Variants in GNA14 observed in about 807,000 individuals in gnomAD.
GNA14 encodes guanine nucleotide-binding protein subunit alpha-14.
In GNA14, 50 loss-of-function variants were observed where a neutral mutation model predicts 42.0. That is an observed-to-expected ratio of 1.19 (90% confidence interval 0.95 to 1.51). The LOEUF is 1.51. Among genes scored for constraint, GNA14 ranks in the 40% most tolerant of loss-of-function variants. The pLI, the probability that GNA14 is intolerant of heterozygous loss-of-function variation, is 0.00. For missense variants in GNA14, 473 were observed against 446.2 expected, an observed-to-expected ratio of 1.06 and a Z score of -0.54; for synonymous variants, 173 against 163.1, an observed-to-expected ratio of 1.06 and a Z score of -0.46.
chr9:77,556,365 C>T (rs1313287682), intron 1 of GNA14, among the ~76,000 whole-genome samples: 1 of 151,844 alleles, frequency 6.6e-6, no homozygotes, highest in Non-Finnish European at 1.5e-5. Context: ...GGGGTGGGGG[C>T]AGAGATCATG....
At position 77,648,303 on chromosome 9, in the gene GNA14, C is replaced by T. The variant is rs1233629558; in HGVS notation, c.-510G>A. The T allele has an allele frequency of 5.7e-6, 1 of 175,348 alleles. No homozygotes were observed. 10.9% of individuals were successfully genotyped at this position (175,348 alleles called of 1,614,324 possible). A position where few individuals can be genotyped will look rare whatever the true frequency, so the allele number is the denominator to read the frequency against. Reference sequence around the variant, plus strand: ...AAGTTCTGAAAACCTCAGCAGTGACCGCAGACTAAGACTGAGTGGAAAGGT... The same window carrying T: ...AAGTTCTGAAAACCTCAGCAGTGACTGCAGACTAAGACTGAGTGGAAAGGT... On this transcript the variant is annotated 5_prime_UTR_variant, in exon 1 of 7. Coordinates refer to ENST00000341700, the MANE Select transcript of GNA14 (RefSeq NM_004297.4).
rs554742759 is a variant in GNA14, at chr9:77,634,477, A to T, written c.124+13193T>A. ...AGGAAAGGAAAGGAAGGAGGGAAGG[A>T]AGGAAGGAAGGAAGGAAGGGAGTGA... On this transcript the variant is annotated intron_variant, in intron 1 of 6. Transcript: ENST00000341700. 3.0e-4 allele frequency among the ~76,000 whole-genome samples: 45 copies of T among 149,520 alleles called. No individual in the cohort carries two copies. The South Asian group carries it at 4.3e-3, about 14-fold the overall frequency.
At chr9:77,481,835 G>A (rs1040261333) in intron 2 of GNA14, among the ~76,000 whole-genome samples, 2 of 151,972 alleles carry the variant, frequency 1.3e-5, no homozygotes, top group African/African-American at 4.8e-5. Context: ...ATCTTTGTTG[G>A]TTTAAAGTCT....
At chr9:77,644,493 A>G (rs2118043559) in intron 1 of GNA14, among the ~76,000 whole-genome samples, 1 of 150,292 alleles carries the variant, frequency 6.7e-6, no homozygotes, top group South Asian at 2.2e-4. Flanking sequence ...CCCAGAAGAA[A>G]GGCCATGTGA....
At chr9:77,606,043 G>A (rs1377055389) in intron 1 of GNA14, among the ~76,000 whole-genome samples, 3 of 152,138 alleles carry the variant, frequency 2.0e-5, no homozygotes, top group South Asian at 4.1e-4. Flanking sequence ...AGTGGTTCAG[G>A]AAATGTTTAC....
intron 2 of GNA14, among the ~76,000 whole-genome samples, chr9:77,507,969 C>T (rs138088671): frequency 0.018 from 2,690 of 152,284 alleles, 58 homozygotes; most frequent in African/African-American, 0.062. Context: ...CCACCCGCCT[C>T]GGCCTCCCAA....
At chr9:77,624,129 C>T (rs1350538046) in intron 1 of GNA14, among the ~76,000 whole-genome samples, 1 of 152,158 alleles carries the variant, frequency 6.6e-6, no homozygotes, top group Non-Finnish European at 1.5e-5. Context: ...GGGTTTCCCC[C>T]TCACAGTGTA....
At chr9:77,619,722 C>CTAT (rs977254351) in intron 1 of GNA14, among the ~76,000 whole-genome samples, 3 of 152,110 alleles carry the variant, frequency 2.0e-5, no homozygotes, top group African/African-American at 7.2e-5. Context: ...GGTGTCTGGC[C>CTAT]TATAGTCAGC....
chr9:77,599,447 G>A (rs1823518919), intron 1 of GNA14, among the ~76,000 whole-genome samples: 1 of 152,202 alleles, frequency 6.6e-6, no homozygotes, highest in East Asian at 1.9e-4. Flanking sequence ...CTGCTACACA[G>A]AGGGTAGTAA....
chr9:77,574,164 G>C (rs1418538243), intron 1 of GNA14, among the ~76,000 whole-genome samples: 3 of 152,158 alleles, frequency 2.0e-5, no homozygotes, highest in African/African-American at 4.8e-5. Context: ...GCAAAAAAGA[G>C]AGAGGACCTA....
intron 1 of GNA14, among the ~76,000 whole-genome samples, chr9:77,568,695 C>T (rs1027972018): frequency 3.3e-5 from 5 of 152,050 alleles, no homozygotes; most frequent in Admixed American, 1.3e-4. Flanking sequence ...ACTGGGCTTT[C>T]CTGGGTGCAC....
At chr9:77,611,774 C>G (rs756161196) in intron 1 of GNA14, among the ~76,000 whole-genome samples, 1 of 152,114 alleles carries the variant, frequency 6.6e-6, no homozygotes, top group African/African-American at 2.4e-5. Flanking sequence ...TTCCCATTCT[C>G]GCACCCACCA....
intron 2 of GNA14, among the ~76,000 whole-genome samples, chr9:77,503,696 G>C (rs1837010897): frequency 6.9e-6 from 1 of 144,430 alleles, no homozygotes; most frequent in Non-Finnish European, 1.5e-5. Flanking sequence ...CTTGCTCTGT[G>C]GCCCAGGCTG....
chr9:77,628,962 T>C (rs13158724), intron 1 of GNA14, among the ~76,000 whole-genome samples: 311 of 152,100 alleles, frequency 2.0e-3, no homozygotes, highest in African/African-American at 7.3e-3. Context: ...ACCTACAGAA[T>C]GGGAGAAAAT....
At chr9:77,625,272 T>C (rs573511780) in intron 1 of GNA14, among the ~76,000 whole-genome samples, 137 of 152,256 alleles carry the variant, frequency 9.0e-4, no homozygotes, top group African/African-American at 3.1e-3. Context: ...CTACATTTGA[T>C]TGGTGTACCT....
intron 1 of GNA14, among the ~76,000 whole-genome samples, chr9:77,534,169 T>C (rs1837565586): frequency 2.0e-5 from 3 of 152,252 alleles, no homozygotes; most frequent in Non-Finnish European, 4.4e-5. Context: ...ATCCTGTCTA[T>C]CACCAGTGAT....
intron 2 of GNA14, among the ~76,000 whole-genome samples, chr9:77,469,892 A>C (rs184531523): frequency 6.6e-5 from 10 of 152,318 alleles, no homozygotes; most frequent in African/African-American, 2.4e-4. Context: ...ATAAAAAGAA[A>C]GCCTCTGCTC....
intron 2 of GNA14, among the ~76,000 whole-genome samples, chr9:77,480,137 A>C (rs12338223): frequency 0.18 from 27,627 of 151,924 alleles, 2,802 homozygotes; most frequent in East Asian, 0.38. Context: ...CCAGTTTTCA[A>C]AGGGAATGCT....
intron 1 of GNA14, among the ~76,000 whole-genome samples, chr9:77,641,485 C>T (rs879578974): frequency 3.3e-5 from 5 of 151,248 alleles, no homozygotes; most frequent in African/African-American, 2.4e-5. Flanking sequence ...CACAACAGCA[C>T]GTATCCAGTG....
Sources: allele counts gnomAD v4.1 joint callset (sites outside exome capture counted in the v4.1 genomes callset), GRCh38; gene constraint gnomAD v4.1.1; transcripts MANE v1.5; gene names NCBI Gene and HGNC (gene_info 2026-07-23, HGNC 2026-07-21).